Variants in SOX5 observed in about 807,000 individuals in gnomAD.
SOX5 encodes SRY-box transcription factor 5, also known as transcription factor SOX-5.
Under a neutral mutation model 92.0 loss-of-function variants are expected in SOX5, and 9 were observed. The ratio of observed to expected loss-of-function variants is 0.10; its 90% CI spans 0.06 to 0.17. The LOEUF is 0.17. SOX5 is among the 10% of genes least tolerant of loss of function. The pLI is 1.00. For synonymous variants in SOX5, 344 were observed against 336.3 expected (o/e 1.02, Z -0.25); for missense variants, 642 against 944.5 (o/e 0.68, Z 4.20).
intron 9 of SOX5, among the ~76,000 whole-genome samples, chr12:23,593,598 T>C (rs1951887935): frequency 6.6e-6 from 1 of 152,186 alleles, no homozygotes; most frequent in Non-Finnish European, 1.5e-5. Flanking sequence ...AACTGATGTA[T>C]TAGATCTTTG....
At chr12:24,500,220 A>C (rs1566318551) in intron 1 of SOX5, among the ~76,000 whole-genome samples, 1 of 152,194 alleles carries the variant, frequency 6.6e-6, no homozygotes, top group African/African-American at 2.4e-5. Flanking sequence ...CAAAATAATC[A>C]CATACATATA....
intron 4 of SOX5, among the ~76,000 whole-genome samples, chr12:23,745,985 C>T (rs1304611737): frequency 1.3e-5 from 2 of 152,024 alleles, no homozygotes; most frequent in Admixed American, 6.6e-5. Context: ...AGAATACAGC[C>T]GCTTCCCTTT....
chr12:24,160,104 T>C (rs948768364), intron 4 of SOX5, among the ~76,000 whole-genome samples: 7 of 152,230 alleles, frequency 4.6e-5, no homozygotes, highest in Non-Finnish European at 8.8e-5. Context: ...CAGCTTTACA[T>C]GCCACTATTT....
intron 2 of SOX5, among the ~76,000 whole-genome samples, chr12:23,871,810 A>C (rs1402774972): frequency 6.6e-6 from 1 of 151,970 alleles, no homozygotes; most frequent in Non-Finnish European, 1.5e-5. Context: ...GGATCATGAG[A>C]CCCTGAAAGT....
At chr12:24,199,988 A>G (rs1957361042) in intron 4 of SOX5, among the ~76,000 whole-genome samples, 1 of 152,246 alleles carries the variant, frequency 6.6e-6, no homozygotes, top group Non-Finnish European at 1.5e-5. Context: ...GATAAAGGAT[A>G]TTATTCATTT....
At chr12:23,546,983 C>T (rs997056757) in intron 11 of SOX5, among the ~76,000 whole-genome samples, 1 of 152,022 alleles carries the variant, frequency 6.6e-6, no homozygotes, top group Non-Finnish European at 1.5e-5. Flanking sequence ...AATGTGAGTG[C>T]CTGCTACTTG....
Position 24,239,557 on chromosome 12 carries a change from C to T in SOX5, c.-76-26140G>A, listed in dbSNP as rs992425705. ...GCAGAGGTGTCTCTTATAAGCACAA[C>T]GTGTGACCAGGTAATACTGTCTGGA... On this transcript the variant is annotated intron_variant, in intron 3 of 4. Coordinates refer to the SOX5 transcript ENST00000446891. Among the ~76,000 whole-genome samples the T allele has an allele frequency of 6.6e-5, 10 of 152,100 alleles. No homozygotes were observed. In the South Asian group the frequency reaches 1.0e-3, roughly 16 times the overall value.
At position 24,059,322 on chromosome 12, in the gene SOX5, T is replaced by C. The variant is rs188693080; in HGVS notation, c.-2+154021A>G. Reference sequence around the variant, plus strand: ...CTGAAAAGGAAATAGGCTAGATTCATGCTTAGAAGAGTGGTACCTGCTAAA... The same window carrying C: ...CTGAAAAGGAAATAGGCTAGATTCACGCTTAGAAGAGTGGTACCTGCTAAA... On this transcript the variant is annotated intron_variant, in intron 4 of 4. Transcript: ENST00000446891. 2.0e-5 allele frequency among the ~76,000 whole-genome samples: 3 copies of C among 152,306 alleles called. No individual in the cohort carries two copies. The East Asian group carries it at 5.8e-4, about 29-fold the overall frequency.
chr12:24,476,857 A>G (rs1945437651), intron 1 of SOX5, among the ~76,000 whole-genome samples: 1 of 152,090 alleles, frequency 6.6e-6, no homozygotes, highest in African/African-American at 2.4e-5. Flanking sequence ...TCTGTGATTC[A>G]GTGATTTATA....
At chr12:24,338,483 C>A (rs1198665649) in intron 2 of SOX5, among the ~76,000 whole-genome samples, 1 of 152,050 alleles carries the variant, frequency 6.6e-6, no homozygotes. Flanking sequence ...CTTTTTGGAC[C>A]TGTAATTAGG....
chr12:23,953,031 A>C (rs1440976776), upstream of SOX5, among the ~76,000 whole-genome samples: 1 of 152,160 alleles, frequency 6.6e-6, no homozygotes, highest in Non-Finnish European at 1.5e-5. Context: ...ATAAAAAATA[A>C]AATTTATAAA....
chr12:23,699,831 T>C (rs2140182287), intron 6 of SOX5, among the ~76,000 whole-genome samples: 1 of 152,256 alleles, frequency 6.6e-6, no homozygotes, highest in African/African-American at 2.4e-5. Context: ...TAGAGTTTAC[T>C]TTTAAAATAA....
intron 2 of SOX5, among the ~76,000 whole-genome samples, chr12:23,863,681 C>T (rs2136495037): frequency 6.6e-6 from 1 of 152,118 alleles, no homozygotes; most frequent in African/African-American, 2.4e-5. Flanking sequence ...ACATCTTCAA[C>T]TTTCTATACT....
chr12:23,642,526 A>T (rs145845083), intron 7 of SOX5, among the ~76,000 whole-genome samples: 15 of 152,336 alleles, frequency 9.8e-5, no homozygotes, highest in Admixed American at 2.6e-4. Flanking sequence ...AACAATTTTC[A>T]TGAAGAATCA....
At chr12:23,549,684 C>G (rs1003447111) in intron 11 of SOX5, among the ~76,000 whole-genome samples, 1 of 151,846 alleles carries the variant, frequency 6.6e-6, no homozygotes, top group Admixed American at 6.6e-5. Flanking sequence ...ATGGGCCAAA[C>G]AAGATGACCT....
chr12:24,027,965 C>T (rs985194470), intron 4 of SOX5, among the ~76,000 whole-genome samples: 22 of 151,966 alleles, frequency 1.4e-4, no homozygotes, highest in African/African-American at 5.1e-4. Flanking sequence ...CTCCTAACTG[C>T]GTTGATCATT....
intron 4 of SOX5, among the ~76,000 whole-genome samples, chr12:23,979,902 T>C (rs1426743535): frequency 0.011 from 1,466 of 131,042 alleles, 37 homozygotes; most frequent in African/African-American, 0.042. Context: ...GCTGGCTGGC[T>C]GGCTGGCTGG....
At chr12:23,731,144 A>G (rs1406936641) in intron 6 of SOX5, among the ~76,000 whole-genome samples, 1 of 152,002 alleles carries the variant, frequency 6.6e-6, no homozygotes, top group Non-Finnish European at 1.5e-5. Flanking sequence ...TCATCTTTGT[A>G]CTCCAGGACT....
rs1555235765 is a variant in SOX5 at position 24,335,987 on chromosome 12, A to ATATATATATATATATC, written c.-174+32575_-174+32576insGATATATATATATATA. Among the ~76,000 whole-genome samples the ATATATATATATATATC allele has an allele frequency of 3.1e-4, 41 of 134,354 alleles. 6 individuals carry two copies. In the East Asian group the frequency reaches 0.012, roughly 40 times the overall value. The allele number at this position is 134,354 out of a possible 152,430, so 88.1% of individuals were successfully genotyped here. A position where few individuals can be genotyped will look rare whatever the true frequency, so the allele number is the denominator to read the frequency against. On this transcript the variant is annotated intron_variant, in intron 2 of 4. Coordinates refer to the SOX5 transcript ENST00000446891. ...GAAATGCTATCATATATATATATAT[A>ATATATATATATATATC]TCCATAATATTAAATTTTTCTTGTT...
Sources: gnomAD v4.1 joint callset for allele counts (sites outside exome capture counted in the v4.1 genomes callset) on GRCh38, gnomAD v4.1.1 for gene constraint, MANE v1.5 for transcripts, NCBI Gene and HGNC (gene_info 2026-07-23, HGNC 2026-07-21) for gene names.